HNF4G: variants seen among roughly 807,000 people sequenced by gnomAD.
HNF4G encodes hepatocyte nuclear factor 4-gamma.
Under a neutral mutation model 50.9 loss-of-function variants are expected in HNF4G, and 21 were observed. The ratio of observed to expected loss-of-function variants is 0.41; its 90% CI spans 0.29 to 0.59. The LOEUF (loss-of-function observed/expected upper bound fraction) is 0.59, where lower values mean the gene tolerates loss of function less well. HNF4G is among the 20% of genes least tolerant of loss of function. The pLI, the probability that HNF4G is intolerant of heterozygous loss-of-function variation, is 0.26. For missense variants in HNF4G, 527 were observed against 559.4 expected, an observed-to-expected ratio of 0.94 and a Z score of 0.58; for synonymous variants, 198 against 185.6, an observed-to-expected ratio of 1.07 and a Z score of -0.54.
intron 1 of HNF4G, among the ~76,000 whole-genome samples, chr8:75,482,837 A>G (rs1266847966): frequency 6.6e-6 from 1 of 152,204 alleles, no homozygotes; most frequent in Non-Finnish European, 1.5e-5. Context: ...AAAATTTGAC[A>G]CAGTCATATC....
chr8:75,522,436 C>A (rs1329289760), intron 2 of HNF4G, among the ~76,000 whole-genome samples: 1 of 152,166 alleles, frequency 6.6e-6, no homozygotes, highest in Non-Finnish European at 1.5e-5. Flanking sequence ...CACTGAAACA[C>A]ATTATCACAA....
At chr8:75,497,129 G>T (rs970829137) in intron 2 of HNF4G, among the ~76,000 whole-genome samples, 1 of 152,060 alleles carries the variant, frequency 6.6e-6, no homozygotes, top group East Asian at 1.9e-4. Flanking sequence ...AACCAAACAG[G>T]GTTGTGTATT....
chr8:75,494,371 A>G (rs959764313), intron 2 of HNF4G, among the ~76,000 whole-genome samples: 2 of 151,772 alleles, frequency 1.3e-5, no homozygotes, highest in Admixed American at 6.6e-5. Flanking sequence ...ACACAAGGAG[A>G]CCAAGAAAAA....
In HNF4G at chr8:75,434,293, C is replaced by T. The variant is rs59321019; in HGVS notation, c.-144+26131C>T. On this transcript the variant is annotated intron_variant, in intron 1 of 10. Transcript: ENST00000354370. ...CTGGGATTACAGGCATGAGCCACTG[C>T]GTCTGGCCTAAATAACTTATGTTTC... 3.9e-3 allele frequency among the ~76,000 whole-genome samples: 595 copies of T among 152,016 alleles called. 5 individuals carry two copies. Among genetic ancestry groups the T allele is most frequent in the African/African-American group, 0.013 (551 of 41,474 alleles).
At chr8:75,457,562 T>C (rs1425294753) in intron 1 of HNF4G, among the ~76,000 whole-genome samples, 1 of 152,168 alleles carries the variant, frequency 6.6e-6, no homozygotes, top group Non-Finnish European at 1.5e-5. Context: ...TTCCCCTAGA[T>C]TTTACTAAGG....
intron 1 of HNF4G, among the ~76,000 whole-genome samples, chr8:75,417,974 C>T (rs903020010): frequency 6.4e-4 from 97 of 152,072 alleles, no homozygotes; most frequent in African/African-American, 2.2e-3. Context: ...CACACACACA[C>T]ACACACACAC....
intron 1 of HNF4G, among the ~76,000 whole-genome samples, chr8:75,451,327 G>A (rs371727265): frequency 9.5e-4 from 144 of 151,854 alleles, no homozygotes; most frequent in African/African-American, 3.3e-3. Context: ...GCTGTGCAGC[G>A]CTTTTTAGTC....
chr8:75,535,419 T>C (rs1806437647), upstream of HNF4G, among the ~76,000 whole-genome samples: 1 of 151,788 alleles, frequency 6.6e-6, no homozygotes, highest in African/African-American at 2.4e-5. Flanking sequence ...AAAAGTCATT[T>C]ATGTTGGGTA....
At chr8:75,439,145 T>C (rs1481703431) in intron 1 of HNF4G, among the ~76,000 whole-genome samples, 2 of 152,030 alleles carry the variant, frequency 1.3e-5, no homozygotes, top group African/African-American at 4.8e-5. Flanking sequence ...GAGGTGTATC[T>C]TCAGGATTAA....
chr8:75,539,513 T>C (rs76283120), upstream of HNF4G, among the ~76,000 whole-genome samples: 1,040 of 152,290 alleles, frequency 6.8e-3, 62 homozygotes, highest in East Asian at 0.15. Context: ...TTACCAAATT[T>C]ATAGCAGTAA....
In HNF4G at chr8:75,558,656, T is replaced by G; in HGVS notation, c.872T>G (p.Val291Gly). ...DNEYACLKAI[V>G]FFDPDAKGLS... Reference sequence around the variant, plus strand: ...GAGTATGCTTGTTTAAAGGCAATTGTATTTTTTGATCCAGGTTGGTTTTCA... The same window carrying G: ...GAGTATGCTTGTTTAAAGGCAATTGGATTTTTTGATCCAGGTTGGTTTTCA... The change falls in exon 7 of 10, where the codon GTA becomes GGA. Residue 291 changes from valine (V) to glycine (G), a missense_variant. By Grantham distance (109) the Val-to-Gly change is moderately radical. Transcript: ENST00000396423. The G allele has an allele frequency of 1.2e-6, 2 of 1,612,476 alleles. No individual in the cohort carries two copies. The highest frequency in any genetic ancestry group is 1.7e-6 in the Non-Finnish European group (2 of 1,179,522).
chr8:75,543,205 C>G (rs1307947549), intron 1 of HNF4G, among the ~76,000 whole-genome samples: 2 of 151,876 alleles, frequency 1.3e-5, no homozygotes, highest in Admixed American at 6.6e-5. Flanking sequence ...AACTCAGGCT[C>G]AAAAAATTAA....
intron 2 of HNF4G, among the ~76,000 whole-genome samples, chr8:75,507,552 C>T (rs940533026): frequency 6.6e-6 from 1 of 152,168 alleles, no homozygotes; most frequent in African/African-American, 2.4e-5. Context: ...AGCCACTGTG[C>T]CCGGCTGATT....
chr8:75,506,926 G>A (rs1319004635), intron 2 of HNF4G, among the ~76,000 whole-genome samples: 1 of 152,192 alleles, frequency 6.6e-6, no homozygotes, highest in Non-Finnish European at 1.5e-5. Context: ...AGGTCTTTAT[G>A]TGTTAATGTA....
At chr8:75,491,550 C>T (rs1368592790) in intron 2 of HNF4G, among the ~76,000 whole-genome samples, 1 of 151,962 alleles carries the variant, frequency 6.6e-6, no homozygotes, top group Non-Finnish European at 1.5e-5. Flanking sequence ...TCTCCGCTCA[C>T]TGCAACCTCT....
Position 75,518,506 on chromosome 8 carries a change from A to G in HNF4G, c.-23-25305A>G, listed in dbSNP as rs187355389. 6.7e-3 allele frequency among the ~76,000 whole-genome samples: 1,016 copies of G among 152,270 alleles called. 7 individuals are homozygous for G. Among genetic ancestry groups the G allele is most frequent in the Non-Finnish European group, 0.011 (762 of 68,026 alleles). ...GTATATACCCAAAGGATTATAAATC[A>G]TGCTGCTATAAAGACACATGCACAC... On this transcript the variant is annotated intron_variant, in intron 2 of 10. Transcript: ENST00000354370.
At chr8:75,440,393 T>G (rs1811249452) in intron 1 of HNF4G, among the ~76,000 whole-genome samples, 1 of 152,218 alleles carries the variant, frequency 6.6e-6, no homozygotes, top group South Asian at 2.1e-4. Context: ...ATGCAGTGTT[T>G]CACTAATGTC....
At position 75,473,495 on chromosome 8, in the gene HNF4G, T is replaced by C. The variant is rs528602179; in HGVS notation, c.-143-16594T>C. Among the ~76,000 whole-genome samples the C allele has an allele frequency of 1.9e-4, 29 of 152,338 alleles. No homozygotes were observed. In the South Asian group the frequency reaches 5.8e-3, roughly 30 times the overall value. ...GAAATACTAAAGTTTGAGGCAGGCATGTGAATGTTTTGTGGGAAAATAGTG... is the reference window on the plus strand; with the variant it reads ...GAAATACTAAAGTTTGAGGCAGGCACGTGAATGTTTTGTGGGAAAATAGTG... On this transcript the variant is annotated intron_variant, in intron 1 of 10. Transcript: ENST00000354370.
At chr8:75,528,036 C>A (rs975056765) in intron 2 of HNF4G, among the ~76,000 whole-genome samples, 6 of 152,284 alleles carry the variant, frequency 3.9e-5, no homozygotes, top group Admixed American at 6.5e-5. Flanking sequence ...TTATCTCTAA[C>A]CCTGTTCATG....
Sources: gnomAD v4.1 joint callset for allele counts (sites outside exome capture counted in the v4.1 genomes callset) on GRCh38, gnomAD v4.1.1 for gene constraint, MANE v1.5 for transcripts, NCBI Gene and HGNC (gene_info 2026-07-23, HGNC 2026-07-21) for gene names.